ZMAT5: variants seen among roughly 807,000 people sequenced by gnomAD.
ZMAT5 encodes zinc finger matrin-type protein 5.
A neutral mutation model predicts 28.0 loss-of-function variants in ZMAT5; 23 were observed. That is an observed-to-expected ratio of 0.82 (90% CI 0.59 to 1.16). The LOEUF (loss-of-function observed/expected upper bound fraction) is 1.16. Among genes scored for constraint, ZMAT5 ranks in the 50% most tolerant of loss-of-function variants. The pLI, the probability that ZMAT5 is intolerant of heterozygous loss-of-function variation, is 0.00. For synonymous variants in ZMAT5, 76 were observed against 84.1 expected (o/e 0.90, Z 0.52); for missense variants, 173 against 212.7 (o/e 0.81, Z 1.16).
chr22:29,758,522 C>T (rs2068125600), intron 1 of ZMAT5, among the ~76,000 whole-genome samples: 1 of 151,962 alleles, frequency 6.6e-6, no homozygotes, highest in Non-Finnish European at 1.5e-5. Context: ...ACTTGGGGGG[C>T]TGAGGTGGGA....
At chr22:29,765,900 TCTA>T (rs1217736638) in intron 1 of ZMAT5, among the ~76,000 whole-genome samples, 1 of 152,070 alleles carries the variant, frequency 6.6e-6, no homozygotes. Context: ...CCTCAAATGA[TCTA>T]CTACAATAAC....
intron 5 of ZMAT5, among the ~76,000 whole-genome samples, chr22:29,737,806 G>C (rs925734702): frequency 3.3e-5 from 5 of 152,090 alleles, no homozygotes; most frequent in Non-Finnish European, 5.9e-5. Flanking sequence ...CCCCGATCCA[G>C]CAGCTCCCCT....
intron 1 of ZMAT5, among the ~76,000 whole-genome samples, chr22:29,762,265 C>A (rs1327767363): frequency 6.6e-6 from 1 of 152,160 alleles, no homozygotes; most frequent in Non-Finnish European, 1.5e-5. Context: ...AAATTAAGGT[C>A]ATTTTTCTTA....
At chr22:29,752,689 T>A (rs542569858) in intron 1 of ZMAT5, among the ~76,000 whole-genome samples, 3 of 152,222 alleles carry the variant, frequency 2.0e-5, no homozygotes, top group Non-Finnish European at 4.4e-5. Flanking sequence ...AGTGATCAGA[T>A]GAGAAGATGC....
chr22:29,749,819 C>T (rs1263240843), intron 1 of ZMAT5, among the ~76,000 whole-genome samples: 1 of 152,128 alleles, frequency 6.6e-6, no homozygotes, highest in African/African-American at 2.4e-5. Context: ...ATAAGGGGCT[C>T]TTCGTGCTTT....
At chr22:29,738,840 C>A (rs1490998581) in intron 4 of ZMAT5, among the ~76,000 whole-genome samples, 1 of 151,932 alleles carries the variant, frequency 6.6e-6, no homozygotes, top group Non-Finnish European at 1.5e-5. Context: ...CCTGCCTCTA[C>A]TAAAAATAAA....
chr22:29,748,344 A>C, intron 2 of ZMAT5, 74 bp downstream of exon 2: 1 of 1,605,398 alleles, frequency 6.2e-7, no homozygotes, highest in Non-Finnish European at 8.5e-7. Flanking sequence ...TCACTGACCC[A>C]CAGGAGTCTT....
At chr22:29,740,443 G>A (rs890341920) in intron 4 of ZMAT5, among the ~76,000 whole-genome samples, 11 of 152,154 alleles carry the variant, frequency 7.2e-5, no homozygotes, top group Non-Finnish European at 1.5e-4. Context: ...TCCACTGTAA[G>A]GGGACACAGG....
intron 1 of ZMAT5, among the ~76,000 whole-genome samples, chr22:29,764,615 C>T (rs1339188900): frequency 6.6e-6 from 1 of 152,198 alleles, no homozygotes; most frequent in Non-Finnish European, 1.5e-5. Context: ...ATTCTCCTGC[C>T]TCAGCCTCCC....
At chr22:29,741,181 C>T (rs2067959287) in intron 3 of ZMAT5, among the ~76,000 whole-genome samples, 2 of 152,224 alleles carry the variant, frequency 1.3e-5, no homozygotes, top group African/African-American at 2.4e-5. Flanking sequence ...TGGACTGCTC[C>T]TTAGAAAGGC....
intron 1 of ZMAT5, among the ~76,000 whole-genome samples, chr22:29,757,088 C>T (rs575518309): frequency 6.6e-6 from 1 of 151,626 alleles, no homozygotes; most frequent in Admixed American, 6.6e-5. Flanking sequence ...TGATAACACA[C>T]ACCTGTTGTC....
chr22:29,745,137 C>T (rs2067997928), intron 2 of ZMAT5, among the ~76,000 whole-genome samples: 1 of 152,232 alleles, frequency 6.6e-6, no homozygotes, highest in Non-Finnish European at 1.5e-5. Context: ...CACACTAATC[C>T]CTATGGATGT....
At chr22:29,766,475 AG>A (rs892780356) in intron 1 of ZMAT5, among the ~76,000 whole-genome samples, 1 of 152,228 alleles carries the variant, frequency 6.6e-6, no homozygotes, top group Non-Finnish European at 1.5e-5. Flanking sequence ...TGTGAGAGCA[AG>A]GACTTTGTTC....
At chr22:29,731,417 C>T in intron 5 of ZMAT5, 63 bp from the exon 6 acceptor site, 5 of 1,510,426 alleles carry the variant, frequency 3.3e-6, no homozygotes, top group Non-Finnish European at 3.5e-6. Flanking sequence ...TATGCCACCC[C>T]CAGCCCACCT....
intron 1 of ZMAT5, among the ~76,000 whole-genome samples, chr22:29,754,275 C>T (rs1023947289): frequency 3.9e-5 from 6 of 152,232 alleles, no homozygotes; most frequent in African/African-American, 7.2e-5. Flanking sequence ...TCCGGCCCCA[C>T]GCCCTGCCAG....
chr22:29,742,174 G>A (rs990899149), intron 3 of ZMAT5, among the ~76,000 whole-genome samples: 5 of 152,146 alleles, frequency 3.3e-5, no homozygotes, highest in African/African-American at 1.2e-4. Flanking sequence ...AATCTCCCAC[G>A]CCTTGCTTGT....
chr22:29,742,377 G>T, intron 3 of ZMAT5, 41 bp downstream of exon 3: 1 of 1,570,462 alleles, frequency 6.4e-7, no homozygotes, highest in Non-Finnish European at 8.7e-7. Flanking sequence ...GCTGGATATC[G>T]CAGGTCCCCG....
At chr22:29,732,211 C>G (rs1028409173) in intron 5 of ZMAT5, among the ~76,000 whole-genome samples, 1 of 152,360 alleles carries the variant, frequency 6.6e-6, no homozygotes, top group South Asian at 2.1e-4. Flanking sequence ...TCTCAGGCTT[C>G]GAAGTACTTT....
At chr22:29,766,567 G>C (rs1465165702) in intron 1 of ZMAT5, among the ~76,000 whole-genome samples, 1 of 152,222 alleles carries the variant, frequency 6.6e-6, no homozygotes, top group African/African-American at 2.4e-5. Context: ...CAAAGCCCTT[G>C]CTCTTTTCAA....
Sources: allele counts gnomAD v4.1 joint callset (sites outside exome capture counted in the v4.1 genomes callset), GRCh38; gene constraint gnomAD v4.1.1; transcripts MANE v1.5; gene names NCBI Gene and HGNC (gene_info 2026-07-23, HGNC 2026-07-21).